Variants in RBFOX1 observed in about 807,000 individuals in gnomAD.
RBFOX1 encodes the protein RNA binding protein fox-1 homolog 1.
A neutral mutation model predicts 57.7 loss-of-function variants in RBFOX1; 8 were observed. The ratio of observed to expected loss-of-function variants is 0.14; its 90% CI spans 0.08 to 0.25. The LOEUF is 0.25. RBFOX1 is among the 10% of genes least tolerant of loss of function. RBFOX1 has a pLI of 1.00. For missense variants in RBFOX1, 611 were observed against 548.5 expected (o/e 1.11, Z -1.14); for synonymous variants, 326 against 222.4 (o/e 1.47, Z -4.15).
intron 4 of RBFOX1, among the ~76,000 whole-genome samples, chr16:7,062,868 AC>A (rs1284203412): frequency 8.6e-6 from 1 of 115,980 alleles, no homozygotes; most frequent in African/African-American, 3.2e-5. Context: ...CCCTTAAGCT[AC>A]CTCATCTCAT....
intron 1 of RBFOX1, among the ~76,000 whole-genome samples, chr16:6,080,121 T>C (rs1465170927): frequency 6.6e-6 from 1 of 152,188 alleles, no homozygotes; most frequent in Non-Finnish European, 1.5e-5. Flanking sequence ...GCAGGCATAT[T>C]TCCACCTTGG....
At chr16:7,148,221 A>G (rs950067864) in intron 4 of RBFOX1, among the ~76,000 whole-genome samples, 2 of 152,186 alleles carry the variant, frequency 1.3e-5, no homozygotes. Flanking sequence ...ATTAAGATGA[A>G]AACAAAACTT....
intron 5 of RBFOX1, among the ~76,000 whole-genome samples, chr16:7,575,052 G>T (rs1418025366): frequency 3.3e-5 from 5 of 151,768 alleles, no homozygotes; most frequent in Non-Finnish European, 7.4e-5. Flanking sequence ...ATCTTATTTG[G>T]GGGGGGCTGT....
intron 3 of RBFOX1, among the ~76,000 whole-genome samples, chr16:6,881,643 C>T (rs562829744): frequency 1.3e-5 from 2 of 152,304 alleles, no homozygotes; most frequent in East Asian, 3.9e-4. Flanking sequence ...GCAAATATTC[C>T]ATCTTCAAAT....
intron 1 of RBFOX1, among the ~76,000 whole-genome samples, chr16:5,341,086 G>A (rs772861954): frequency 4.6e-5 from 7 of 152,146 alleles, no homozygotes; most frequent in East Asian, 3.9e-4. Flanking sequence ...CAGCCTTGAG[G>A]CAGGAACAAG....
intron 4 of RBFOX1, among the ~76,000 whole-genome samples, chr16:7,421,826 T>C (rs1191782288): frequency 6.6e-6 from 1 of 152,272 alleles, no homozygotes; most frequent in East Asian, 1.9e-4. Context: ...CACTGAATTA[T>C]ATTTTGTAAG....
chr16:6,478,425 ATATATTTTTTTT>A (rs1161855049), intron 2 of RBFOX1, among the ~76,000 whole-genome samples: 41 of 11,738 alleles, frequency 3.5e-3, no homozygotes, highest in African/African-American at 0.011. Flanking sequence ...ATATATATAT[ATATATTTTTTTT>A]TTTTTTTTTT....
chr16:6,941,912 G>A (rs139765470), intron 3 of RBFOX1, among the ~76,000 whole-genome samples: 3 of 152,156 alleles, frequency 2.0e-5, no homozygotes, highest in African/African-American at 7.2e-5. Context: ...TGCTCAAGCA[G>A]TCCTCCCGCT....
At chr16:6,774,723 A>G (rs1362937064) in intron 3 of RBFOX1, among the ~76,000 whole-genome samples, 1 of 151,612 alleles carries the variant, frequency 6.6e-6, no homozygotes, top group East Asian at 2.1e-4. Flanking sequence ...TTATAATACT[A>G]ATTATAACTA....
chr16:7,234,585 C>CGT (rs2152935714), intron 4 of RBFOX1, among the ~76,000 whole-genome samples: 1 of 97,248 alleles, frequency 1.0e-5, no homozygotes, highest in Admixed American at 1.1e-4. Flanking sequence ...CATGTGTATA[C>CGT]ATATGTGTGT....
At chr16:7,528,500 AG>A (rs778072847) in intron 5 of RBFOX1, among the ~76,000 whole-genome samples, 4 of 151,998 alleles carry the variant, frequency 2.6e-5, no homozygotes, top group Non-Finnish European at 5.9e-5. Flanking sequence ...TATGTGAGAG[AG>A]GGGTCTCACT....
At chr16:6,785,286 A>G (rs773868407) in intron 3 of RBFOX1, among the ~76,000 whole-genome samples, 6 of 152,204 alleles carry the variant, frequency 3.9e-5, no homozygotes, top group South Asian at 2.1e-4. Flanking sequence ...TCTAAACACC[A>G]TGGATGGTGG....
chr16:6,088,783 A>C (rs1457116794), intron 1 of RBFOX1, among the ~76,000 whole-genome samples: 1 of 152,132 alleles, frequency 6.6e-6, no homozygotes, highest in African/African-American at 2.4e-5. Context: ...AAGGGGTTTC[A>C]TTCTTCAGAT....
intron 4 of RBFOX1, among the ~76,000 whole-genome samples, chr16:7,459,255 T>A (rs1264699118): frequency 2.0e-5 from 3 of 152,092 alleles, no homozygotes; most frequent in African/African-American, 4.8e-5. Context: ...AGACATTGAG[T>A]TTTAGGATGG....
intron 4 of RBFOX1, among the ~76,000 whole-genome samples, chr16:7,341,553 C>T (rs972368575): frequency 3.9e-5 from 6 of 152,180 alleles, no homozygotes; most frequent in East Asian, 1.9e-4. Context: ...CCCCACTGAC[C>T]GACTCAGTAT....
At chr16:6,227,637 G>A (rs1280382295) in intron 1 of RBFOX1, among the ~76,000 whole-genome samples, 1 of 152,136 alleles carries the variant, frequency 6.6e-6, no homozygotes, top group African/African-American at 2.4e-5. Context: ...AAGTAGGGCA[G>A]CCATCTATGA....
At chr16:5,446,973 G>A (rs933323593) in intron 1 of RBFOX1, among the ~76,000 whole-genome samples, 1 of 152,124 alleles carries the variant, frequency 6.6e-6, no homozygotes, top group East Asian at 1.9e-4. Context: ...ATCTTGTGAG[G>A]AGTCAATGGG....
At chr16:6,903,996 C>A (rs940710338) in intron 3 of RBFOX1, among the ~76,000 whole-genome samples, 1 of 152,066 alleles carries the variant, frequency 6.6e-6, no homozygotes, top group East Asian at 1.9e-4. Flanking sequence ...GGAGTGACCA[C>A]GTGGTCACAA....
intron 3 of RBFOX1, among the ~76,000 whole-genome samples, chr16:5,655,351 T>C (rs972138010): frequency 6.6e-6 from 1 of 152,194 alleles, no homozygotes; most frequent in Non-Finnish European, 1.5e-5. Context: ...TCAAGACTCC[T>C]GTTGCCTGAG....
Sources: allele counts gnomAD v4.1 joint callset (sites outside exome capture counted in the v4.1 genomes callset), GRCh38; gene constraint gnomAD v4.1.1; transcripts MANE v1.5; gene names NCBI Gene and HGNC (gene_info 2026-07-23, HGNC 2026-07-21).